The following LARGE1 variants were observed in gnomAD, a reference collection of about 807,000 sequenced individuals.
LARGE1 encodes the protein xylosyl- and glucuronyltransferase LARGE1.
In LARGE1, 43 loss-of-function variants were observed where a neutral mutation model predicts 87.6. The ratio of observed to expected loss-of-function variants is 0.49; its 90% CI spans 0.38 to 0.63. The LOEUF is 0.63. LARGE1 is among the 30% of genes least tolerant of loss of function. The pLI, the probability that LARGE1 is intolerant of heterozygous loss-of-function variation, is 0.00. For missense variants in LARGE1, 802 were observed against 1,000.2 expected, an observed-to-expected ratio of 0.80 and a Z score of 2.67; for synonymous variants, 434 against 394.6, an observed-to-expected ratio of 1.10 and a Z score of -1.18.
intron 3 of LARGE1, among the ~76,000 whole-genome samples, chr22:33,640,200 C>G (rs188919351): frequency 6.6e-6 from 1 of 152,070 alleles, no homozygotes; most frequent in Non-Finnish European, 1.5e-5. Flanking sequence ...ATGGCTTTTT[C>G]GTTAAAATCC....
chr22:33,400,462 G>T (rs2147306774), intron 7 of LARGE1, among the ~76,000 whole-genome samples: 1 of 152,320 alleles, frequency 6.6e-6, no homozygotes, highest in South Asian at 2.1e-4. Context: ...CTGCAACTCT[G>T]AACAGAAGTC....
At chr22:33,379,920 T>A (rs1336393215) in intron 9 of LARGE1, among the ~76,000 whole-genome samples, 1 of 152,186 alleles carries the variant, frequency 6.6e-6, no homozygotes, top group Non-Finnish European at 1.5e-5. Context: ...TTTTAGGAGC[T>A]CTGTTCCAGG....
At chr22:33,283,380 T>G (rs761553828) in intron 12 of LARGE1, 32 bp from the exon 13 acceptor site, 4 of 1,613,322 alleles carry the variant, frequency 2.5e-6, no homozygotes, top group Non-Finnish European at 3.4e-6. Context: ...AGAGACAGAG[T>G]CCCTGTGACA....
chr22:33,120,509 C>T, the LARGE1 span, among the ~76,000 whole-genome samples: 13,773 of 144,966 alleles, frequency 0.095, 740 homozygotes, highest in South Asian at 0.23. Context: ...TTCTTTCTTT[C>T]TTTCTTTGAG....
intron 9 of LARGE1, among the ~76,000 whole-genome samples, chr22:33,362,849 C>A (rs1353022292): frequency 2.7e-5 from 4 of 149,616 alleles, no homozygotes; most frequent in African/African-American, 4.9e-5. Context: ...TAACCCAGGA[C>A]CGTCCTCCAA....
intron 1 of LARGE1, among the ~76,000 whole-genome samples, chr22:33,902,294 G>A (rs1402838954): frequency 1.3e-5 from 2 of 152,194 alleles, no homozygotes; most frequent in African/African-American, 2.4e-5. Flanking sequence ...GCTCCAGTGG[G>A]AAGAATAGGA....
intron 10 of LARGE1, among the ~76,000 whole-genome samples, chr22:33,330,247 G>C (rs1430310958): frequency 6.6e-6 from 1 of 152,186 alleles, no homozygotes; most frequent in African/African-American, 2.4e-5. Context: ...AAAAACGGTA[G>C]AGAATAGCTC....
chr22:33,452,195 C>G (rs923457062), intron 6 of LARGE1, among the ~76,000 whole-genome samples: 1 of 152,108 alleles, frequency 6.6e-6, no homozygotes, highest in South Asian at 2.1e-4. Flanking sequence ...CATTCCAATG[C>G]GGGAGCTGGA....
At chr22:33,781,520 C>T (rs1267695646) in intron 1 of LARGE1, among the ~76,000 whole-genome samples, 11 of 152,088 alleles carry the variant, frequency 7.2e-5, no homozygotes, top group Non-Finnish European at 2.9e-5. Flanking sequence ...TTCACACTGA[C>T]GTGTTCCAGA....
intron 1 of LARGE1, among the ~76,000 whole-genome samples, chr22:33,895,095 G>A (rs1251322252): frequency 6.6e-6 from 1 of 152,076 alleles, no homozygotes; most frequent in African/African-American, 2.4e-5. Context: ...GGGGAGGAGA[G>A]TACACCTCTA....
chr22:33,457,100 C>T (rs1341473918), intron 6 of LARGE1, among the ~76,000 whole-genome samples: 1 of 152,056 alleles, frequency 6.6e-6, no homozygotes, highest in South Asian at 2.1e-4. Flanking sequence ...ATGTATCTGT[C>T]TAACAACTTT....
At chr22:33,308,033 C>A (rs1935137670) in intron 11 of LARGE1, among the ~76,000 whole-genome samples, 2 of 152,162 alleles carry the variant, frequency 1.3e-5, no homozygotes. Flanking sequence ...TCGAGCCCAC[C>A]ACTGCTTCAT....
At chr22:33,652,118 G>A (rs1393109127) in intron 2 of LARGE1, among the ~76,000 whole-genome samples, 2 of 152,144 alleles carry the variant, frequency 1.3e-5, no homozygotes, top group Non-Finnish European at 2.9e-5. Flanking sequence ...AGGGGTTGCA[G>A]TAAGCCGAGA....
At chr22:33,548,578 G>C (rs1019283532) in intron 6 of LARGE1, among the ~76,000 whole-genome samples, 1 of 152,120 alleles carries the variant, frequency 6.6e-6, no homozygotes. Context: ...ACCACACCTG[G>C]CTAATTTTGT....
At chr22:33,366,192 C>T (rs1026288064) in intron 9 of LARGE1, among the ~76,000 whole-genome samples, 2 of 152,212 alleles carry the variant, frequency 1.3e-5, no homozygotes, top group African/African-American at 2.4e-5. Context: ...TCAGGTGTCT[C>T]AGCACAGTTT....
chr22:33,481,220 T>TACACAC (rs71785834), intron 6 of LARGE1, among the ~76,000 whole-genome samples: 1,962 of 146,686 alleles, frequency 0.013, 29 homozygotes, highest in African/African-American at 0.047. Context: ...GCACTATAGA[T>TACACAC]ACACACACAC....
At chr22:33,600,302 A>C (rs1057055463) in intron 5 of LARGE1, among the ~76,000 whole-genome samples, 2 of 152,218 alleles carry the variant, frequency 1.3e-5, no homozygotes, top group African/African-American at 4.8e-5. Context: ...AAAAATGTTT[A>C]GCAAACATCT....
chr22:33,299,068 C>T (rs903861189), intron 12 of LARGE1, among the ~76,000 whole-genome samples: 1 of 151,972 alleles, frequency 6.6e-6, no homozygotes, highest in East Asian at 1.9e-4. Flanking sequence ...AAAAATTGGC[C>T]CAGCATGGTG....
At chr22:33,523,140 G>A (rs939507101) in intron 6 of LARGE1, among the ~76,000 whole-genome samples, 5 of 151,992 alleles carry the variant, frequency 3.3e-5, no homozygotes, top group Admixed American at 6.6e-5. Flanking sequence ...GAGTAGCTGG[G>A]ACTACAGGTG....
Sources: allele counts gnomAD v4.1 joint callset (sites outside exome capture counted in the v4.1 genomes callset), GRCh38; gene constraint gnomAD v4.1.1; transcripts MANE v1.5; gene names NCBI Gene and HGNC (gene_info 2026-07-23, HGNC 2026-07-21).